CAMK2D: variants seen among roughly 807,000 people sequenced by gnomAD.
The protein encoded by CAMK2D is calcium/calmodulin-dependent protein kinase type II subunit delta.
A neutral mutation model predicts 84.0 loss-of-function variants in CAMK2D; 37 were observed. The ratio of observed to expected loss-of-function variants is 0.44; its 90% CI spans 0.34 to 0.58. The LOEUF is 0.58. Ranked by LOEUF, CAMK2D falls within the 20% of genes least tolerant of loss-of-function variation. The pLI, the probability that CAMK2D is intolerant of heterozygous loss-of-function variation, is 0.02. For missense variants in CAMK2D, 448 were observed against 652.5 expected (o/e 0.69, Z 3.41); for synonymous variants, 202 against 212.5 (o/e 0.95, Z 0.43).
intron 3 of CAMK2D, among the ~76,000 whole-genome samples, chr4:113,661,461 C>T (rs1305275072): frequency 6.6e-6 from 1 of 152,072 alleles, no homozygotes; most frequent in Non-Finnish European, 1.5e-5. Context: ...AGAAAACATA[C>T]ACTATTAATT....
intron 3 of CAMK2D, among the ~76,000 whole-genome samples, chr4:113,617,606 G>C (rs146772768): frequency 2.7e-5 from 4 of 149,768 alleles, no homozygotes; most frequent in African/African-American, 9.7e-5. Context: ...AGGTATTCCT[G>C]AGAAGGCACA....
chr4:113,685,302 G>A (rs964548399), intron 2 of CAMK2D, among the ~76,000 whole-genome samples: 5 of 148,754 alleles, frequency 3.4e-5, no homozygotes, highest in Non-Finnish European at 7.4e-5. Context: ...GGAGTGGCGC[G>A]ATCTCTGCTC....
intron 2 of CAMK2D, among the ~76,000 whole-genome samples, chr4:113,662,477 C>T (rs1215516071): frequency 6.6e-6 from 1 of 152,016 alleles, no homozygotes; most frequent in East Asian, 1.9e-4. Flanking sequence ...CATCAAAACA[C>T]AAAATAAATC....
intron 8 of CAMK2D, among the ~76,000 whole-genome samples, chr4:113,520,554 A>G (rs2098342672): frequency 6.6e-6 from 1 of 152,234 alleles, no homozygotes; most frequent in Non-Finnish European, 1.5e-5. Context: ...AAAGGAAAAA[A>G]TCACTAGCTC....
At chr4:113,737,953 T>C (rs1007333760) in intron 2 of CAMK2D, among the ~76,000 whole-genome samples, 2 of 152,162 alleles carry the variant, frequency 1.3e-5, no homozygotes, top group African/African-American at 4.8e-5. Flanking sequence ...TTTTAATTTG[T>C]TCTCTCCATC....
intron 16 of CAMK2D, among the ~76,000 whole-genome samples, chr4:113,492,177 C>T (rs1458883340): frequency 6.6e-6 from 1 of 152,046 alleles, no homozygotes; most frequent in East Asian, 1.9e-4. Context: ...TTCTTGCCTT[C>T]TGCTAGCTTT....
At chr4:113,503,740 A>AT (rs112959915) in intron 14 of CAMK2D, among the ~76,000 whole-genome samples, 2,315 of 152,338 alleles carry the variant, frequency 0.015, 70 homozygotes, top group African/African-American at 0.052. Flanking sequence ...TGAAGAAAGT[A>AT]TGGGTTTTCT....
intron 4 of CAMK2D, among the ~76,000 whole-genome samples, chr4:113,567,168 CTT>C (rs1317760050): frequency 1.8e-4 from 23 of 129,350 alleles, no homozygotes; most frequent in Admixed American, 3.7e-4. Flanking sequence ...TTTTCTTTTC[CTT>C]TTTTTTTTTT....
chr4:113,555,054 G>A lies in CAMK2D; in HGVS notation c.276-2958C>T, dbSNP rs570229349. The stretch of plus-strand genomic sequence containing the variant: ...ATTTATAGTGATGTTGATTCACACT[G>A]TATTATTACCCTGTATAATAAATTG... On this transcript the variant is annotated intron_variant, in intron 4 of 20. Coordinates refer to ENST00000511664, the MANE Select transcript of CAMK2D (RefSeq NM_001321571.2). Among the ~76,000 whole-genome samples, 18 of 152,268 alleles carry A rather than the reference G, an allele frequency of 1.2e-4. 1 individual carries two copies. Among genetic ancestry groups the A allele is most frequent in the African/African-American group, 4.3e-4 (18 of 41,570 alleles).
intron 17 of CAMK2D, among the ~76,000 whole-genome samples, chr4:113,462,134 T>C (rs1441151447): frequency 6.6e-6 from 1 of 152,162 alleles, no homozygotes; most frequent in East Asian, 1.9e-4. Context: ...TCTATAAATA[T>C]GGTTTTTGGT....
intron 3 of CAMK2D, among the ~76,000 whole-genome samples, chr4:113,623,738 C>CTGTGTGTGTG (rs3064581): frequency 1.5e-3 from 226 of 149,052 alleles, no homozygotes; most frequent in African/African-American, 5.0e-3. Flanking sequence ...TATGCAGTGA[C>CTGTGTGTGTG]TGTGTGTGTG....
At position 113,489,141 on chromosome 4, in the gene CAMK2D, C is replaced by CTT. The variant is rs372210662; in HGVS notation, c.1135+11320_1135+11321dup. ...GTAGTATATGCGGACAGTAATTTTT[C>CTT]TTTTTTTTTTATTATACTTTAAGTT... On this transcript the variant is annotated intron_variant, in intron 16 of 20. Transcript: ENST00000511664. Among the ~76,000 whole-genome samples the CTT allele has an allele frequency of 9.3e-3, 1,392 of 150,196 alleles. 25 individuals are homozygous for CTT. Among genetic ancestry groups the CTT allele is most frequent in the African/African-American group, 0.032 (1,293 of 41,016 alleles).
intron 3 of CAMK2D, among the ~76,000 whole-genome samples, chr4:113,614,287 G>C (rs1052938335): frequency 2.0e-5 from 3 of 152,056 alleles, no homozygotes; most frequent in Admixed American, 2.0e-4. Flanking sequence ...CTCACTATCT[G>C]TTCCTCTTCA....
At chr4:113,509,537 A>G (rs2098180788) in intron 13 of CAMK2D, 101 bp downstream of exon 13, 5 of 763,830 alleles carry the variant, frequency 6.5e-6, no homozygotes, top group Non-Finnish European at 1.1e-5. Flanking sequence ...CAGAAACAAT[A>G]AAAAATAGAA....
intron 2 of CAMK2D, among the ~76,000 whole-genome samples, chr4:113,696,165 C>T (rs75631503): frequency 6.7e-6 from 1 of 148,364 alleles, no homozygotes; most frequent in African/African-American, 2.5e-5. Flanking sequence ...GCAACGCACA[C>T]CACTTGACAG....
chr4:113,652,782 T>G (rs2099180303), intron 3 of CAMK2D, among the ~76,000 whole-genome samples: 1 of 152,136 alleles, frequency 6.6e-6, no homozygotes, highest in Non-Finnish European at 1.5e-5. Context: ...GTAGAATAAA[T>G]CAGAACTATT....
chr4:113,541,569 T>C (rs981508466), intron 6 of CAMK2D, among the ~76,000 whole-genome samples: 1 of 152,172 alleles, frequency 6.6e-6, no homozygotes, highest in Admixed American at 6.5e-5. Context: ...ATTAGGAATA[T>C]ATATGTAAAA....
chr4:113,574,601 T>G (rs1249637067), intron 4 of CAMK2D, among the ~76,000 whole-genome samples: 2 of 152,236 alleles, frequency 1.3e-5, no homozygotes, highest in Non-Finnish European at 2.9e-5. Context: ...CTTTTTCACT[T>G]TTAATGCCAT....
chr4:113,565,664 A>G (rs1231930760), intron 4 of CAMK2D, among the ~76,000 whole-genome samples: 6 of 149,078 alleles, frequency 4.0e-5, no homozygotes, highest in Non-Finnish European at 8.8e-5. Context: ...AAAAAAAAAA[A>G]AAGAAGTCAC....
Sources: allele counts gnomAD v4.1 joint callset (sites outside exome capture counted in the v4.1 genomes callset), GRCh38; gene constraint gnomAD v4.1.1; transcripts MANE v1.5; gene names NCBI Gene and HGNC (gene_info 2026-07-23, HGNC 2026-07-21).